PRKN: variants seen among roughly 807,000 people sequenced by gnomAD.
PRKN encodes parkin RBR E3 ubiquitin protein ligase, also known as E3 ubiquitin-protein ligase parkin.
A neutral mutation model predicts 59.5 loss-of-function variants in PRKN; 56 were observed. The observed-to-expected ratio is 0.94, with a 90% CI of 0.76 to 1.18. The LOEUF (loss-of-function observed/expected upper bound fraction) is 1.18, where lower values mean the gene tolerates loss of function less well. Ranked by LOEUF, PRKN falls within the 50% of genes most tolerant of loss-of-function variation. The pLI is 0.00. For missense variants in PRKN, 657 were observed against 596.4 expected, an observed-to-expected ratio of 1.10 and a Z score of -1.06; for synonymous variants, 250 against 222.1, an observed-to-expected ratio of 1.13 and a Z score of -1.12.
intron 1 of PRKN, among the ~76,000 whole-genome samples, chr6:162,561,777 G>A (rs147232971): frequency 6.6e-6 from 1 of 152,252 alleles, no homozygotes; most frequent in East Asian, 1.9e-4. Context: ...GATCCCTGTG[G>A]TCGGAACTTG....
intron 2 of PRKN, among the ~76,000 whole-genome samples, chr6:162,400,286 T>C (rs1280358214): frequency 6.7e-6 from 1 of 149,674 alleles, no homozygotes; most frequent in East Asian, 2.0e-4. Context: ...CACTTTGTAA[T>C]AAAAGGAAAA....
At chr6:162,352,409 T>C (rs1784661960) in intron 2 of PRKN, among the ~76,000 whole-genome samples, 1 of 152,194 alleles carries the variant, frequency 6.6e-6, no homozygotes, top group Admixed American at 6.5e-5. Flanking sequence ...ACCATTTATC[T>C]TTTATAGACT....
intron 6 of PRKN, among the ~76,000 whole-genome samples, chr6:161,825,654 G>C (rs1352487175): frequency 6.6e-6 from 1 of 152,210 alleles, no homozygotes; most frequent in Non-Finnish European, 1.5e-5. Context: ...TTCTGGGCAT[G>C]GGGTTTTGCT....
In PRKN at chr6:162,450,316, C is replaced by T. The variant is rs376584730; in HGVS notation, c.8-6843G>A. Among the ~76,000 whole-genome samples the T allele has an allele frequency of 5.9e-5, 7 of 119,424 alleles. No homozygotes were observed. The East Asian group carries it at 7.6e-4, about 13-fold the overall frequency. The allele number at this position is 119,424 out of a possible 152,430, so 78.3% of individuals were successfully genotyped here. The stretch of plus-strand genomic sequence containing the variant: ...TAACACCCCTGTGAATATGAACGCC[C>T]GTGAATGTAAACGCCCCTGTGATTG... On this transcript the variant is annotated intron_variant, in intron 1 of 11. Transcript: ENST00000366898.
At chr6:161,711,295 T>G (rs1752898264) in intron 7 of PRKN, among the ~76,000 whole-genome samples, 1 of 152,146 alleles carries the variant, frequency 6.6e-6, no homozygotes, top group South Asian at 2.1e-4. Context: ...ACGATGGTAA[T>G]GCAAATGGAG....
At chr6:162,658,888 G>A (rs1282138943) in intron 1 of PRKN, among the ~76,000 whole-genome samples, 1 of 151,976 alleles carries the variant, frequency 6.6e-6, no homozygotes, top group Non-Finnish European at 1.5e-5. Context: ...ATGGGTGCAT[G>A]TATTTTAAAA....
At chr6:162,278,228 C>T (rs934632700) in intron 2 of PRKN, among the ~76,000 whole-genome samples, 23 of 151,944 alleles carry the variant, frequency 1.5e-4, no homozygotes, top group African/African-American at 4.1e-4. Flanking sequence ...ATACGACATT[C>T]GGAAAAAGGC....
chr6:162,016,731 C>G (rs1782948510), intron 5 of PRKN, among the ~76,000 whole-genome samples: 1 of 152,104 alleles, frequency 6.6e-6, no homozygotes, highest in African/African-American at 2.4e-5. Context: ...CGGTCTCAAG[C>G]CCAAGCATGC....
intron 10 of PRKN, among the ~76,000 whole-genome samples, chr6:161,382,216 C>T (rs1011926854): frequency 6.6e-5 from 10 of 151,368 alleles, no homozygotes; most frequent in South Asian, 2.1e-4. Flanking sequence ...TTTCAAGTGA[C>T]GAATGTATCA....
intron 5 of PRKN, among the ~76,000 whole-genome samples, chr6:162,001,050 T>C (rs1356412382): frequency 6.6e-6 from 1 of 152,076 alleles, no homozygotes; most frequent in African/African-American, 2.4e-5. Flanking sequence ...TGTAGTTTTG[T>C]ATAGTTAAGC....
intron 9 of PRKN, among the ~76,000 whole-genome samples, chr6:161,426,869 C>T (rs1410569197): frequency 2.0e-5 from 3 of 151,886 alleles, no homozygotes; most frequent in African/African-American, 4.8e-5. Context: ...CAGGCACCTG[C>T]CACCACGCCT....
chr6:162,082,721 T>C (rs1433828700), intron 4 of PRKN, among the ~76,000 whole-genome samples: 1 of 151,992 alleles, frequency 6.6e-6, no homozygotes. Flanking sequence ...CTTGAACACT[T>C]AGAGCCCATC....
chr6:162,539,819 A>C (rs570586903), intron 1 of PRKN, among the ~76,000 whole-genome samples: 5 of 152,232 alleles, frequency 3.3e-5, no homozygotes, highest in Admixed American at 2.0e-4. Context: ...ATAAAGACAC[A>C]TGCAAAAGAT....
chr6:161,431,376 A>C (rs1168399736), intron 9 of PRKN, among the ~76,000 whole-genome samples: 2 of 152,072 alleles, frequency 1.3e-5, no homozygotes, highest in African/African-American at 4.8e-5. Context: ...TCAAATCAGC[A>C]GATAAACATT....
chr6:162,420,948 G>A (rs1385210074), intron 2 of PRKN, among the ~76,000 whole-genome samples: 2 of 152,102 alleles, frequency 1.3e-5, no homozygotes, highest in Admixed American at 6.5e-5. Flanking sequence ...TAAATCAAGC[G>A]ATACAGTCGA....
intron 7 of PRKN, among the ~76,000 whole-genome samples, chr6:161,771,604 G>A (rs960658599): frequency 1.3e-5 from 2 of 152,024 alleles, no homozygotes; most frequent in East Asian, 3.9e-4. Flanking sequence ...TCTAGTAATG[G>A]TTCAAAAAGC....
intron 6 of PRKN, among the ~76,000 whole-genome samples, chr6:161,963,095 A>T (rs1747197806): frequency 6.6e-6 from 1 of 152,138 alleles, no homozygotes; most frequent in South Asian, 2.1e-4. Context: ...GTGAGCCAAG[A>T]TTGAGCCATT....
rs1784667759 is a variant in PRKN at position 161,354,169 on chromosome 6, A to G, written c.1286-3958T>C. Among the ~76,000 whole-genome samples the G allele has an allele frequency of 6.6e-6, 1 of 152,182 alleles. No individual in the cohort carries two copies. The highest frequency in any genetic ancestry group is 2.1e-4 in the South Asian group (1 of 4,834). ...ACGTCATTAGCTTTCTTTTCTCCCT[A>G]GGGCTTAATATACACAAGGCCATAG... On this transcript the variant is annotated intron_variant, in intron 11 of 11. Transcript: ENST00000366898. The surrounding 1 kb of genome is among the most constrained non-coding windows in gnomAD (Gnocchi z 6.7).
chr6:162,562,595 G>C (rs112477353), intron 1 of PRKN, among the ~76,000 whole-genome samples: 1 of 152,178 alleles, frequency 6.6e-6, no homozygotes, highest in Non-Finnish European at 1.5e-5. Context: ...GGTGATTACA[G>C]GGTGAGGCTC....
Sources: allele counts gnomAD v4.1 joint callset (sites outside exome capture counted in the v4.1 genomes callset), GRCh38; gene constraint gnomAD v4.1.1; non-coding constraint Gnocchi (gnomAD v3.1); transcripts MANE v1.5; gene names NCBI Gene and HGNC (gene_info 2026-07-23, HGNC 2026-07-21).